Variants in SPIRE1 observed in about 807,000 individuals in gnomAD.
SPIRE1 encodes spire type actin nucleation factor 1.
In SPIRE1, 40 loss-of-function variants were observed where a neutral mutation model predicts 94.1. That is an observed-to-expected ratio of 0.43 (90% confidence interval 0.33 to 0.55). The LOEUF (loss-of-function observed/expected upper bound fraction) is 0.55. SPIRE1 is among the 20% of genes least tolerant of loss of function. The pLI is 0.06. For synonymous variants in SPIRE1, 376 were observed against 371.7 expected, an observed-to-expected ratio of 1.01 and a Z score of -0.13; for missense variants, 838 against 975.2, an observed-to-expected ratio of 0.86 and a Z score of 1.87.
intron 2 of SPIRE1, among the ~76,000 whole-genome samples, chr18:12,575,856 G>A (rs1051050590): frequency 6.6e-5 from 10 of 152,124 alleles, no homozygotes; most frequent in African/African-American, 1.4e-4. Flanking sequence ...TAAAGTCAAC[G>A]CAATCTTAAA....
At chr18:12,556,444 T>C (rs1425650039) in intron 2 of SPIRE1, among the ~76,000 whole-genome samples, 1 of 152,160 alleles carries the variant, frequency 6.6e-6, no homozygotes, top group African/African-American at 2.4e-5. Flanking sequence ...CCGGAATTGG[T>C]GGGTTCTTGG....
intron 1 of SPIRE1, among the ~76,000 whole-genome samples, chr18:12,643,314 G>A (rs1156767129): frequency 2.6e-5 from 4 of 152,120 alleles, no homozygotes; most frequent in South Asian, 2.1e-4. Flanking sequence ...AAAATACATA[G>A]ACATATCACT....
At chr18:12,629,917 C>T (rs1386877248) in intron 2 of SPIRE1, among the ~76,000 whole-genome samples, 4 of 152,060 alleles carry the variant, frequency 2.6e-5, no homozygotes, top group Admixed American at 2.0e-4. Context: ...TATATTAAAA[C>T]ATTTTCCAAA....
chr18:12,454,911 T>C lies in SPIRE1; in HGVS notation c.1639-428A>G, dbSNP rs949719078. 5.3e-5 allele frequency among the ~76,000 whole-genome samples: 8 copies of C among 151,890 alleles called. 1 individual carries two copies. The South Asian group carries it at 1.7e-3, about 32-fold the overall frequency. On this transcript the variant is annotated intron_variant, in intron 12 of 16. Transcript: ENST00000409402. ...TGTTGTGTTGTACATTATATACCAATAGATAAAAAGCAAATCTACAGTGGT... is the reference window on the plus strand; with the variant it reads ...TGTTGTGTTGTACATTATATACCAACAGATAAAAAGCAAATCTACAGTGGT...
intron 2 of SPIRE1, among the ~76,000 whole-genome samples, chr18:12,574,458 AG>A (rs1444942120): frequency 2.0e-5 from 3 of 152,190 alleles, no homozygotes; most frequent in Non-Finnish European, 2.9e-5. Flanking sequence ...AAATGTAGGG[AG>A]AAAAAAAATG....
At chr18:12,450,099 G>A (rs1233477998) in intron 16 of SPIRE1, among the ~76,000 whole-genome samples, 2 of 152,046 alleles carry the variant, frequency 1.3e-5, no homozygotes, top group East Asian at 3.8e-4. Context: ...AGGAGGCCTA[G>A]TGCGGTGGCT....
At chr18:12,476,214 G>T (rs915074973) in intron 10 of SPIRE1, among the ~76,000 whole-genome samples, 1 of 152,090 alleles carries the variant, frequency 6.6e-6, no homozygotes, top group African/African-American at 2.4e-5. Flanking sequence ...TGGTTTATCT[G>T]TGTTTTCTAA....
Position 12,460,953 on chromosome 18 carries a change from T to G in SPIRE1, c.1638+2398A>C, listed in dbSNP as rs535890651. Among the ~76,000 whole-genome samples the G allele has an allele frequency of 3.3e-5, 5 of 152,302 alleles. No homozygotes were observed. The South Asian group carries it at 1.0e-3, about 32-fold the overall frequency. On this transcript the variant is annotated intron_variant, in intron 12 of 16. Transcript: ENST00000409402. ...CTCTGCTGGTGCTTGGAGGCCTGCG[T>G]GGACTCTGCTCCCTGCCCTCAATCT...
chr18:12,454,481 C>T lies in SPIRE1; in HGVS notation c.1641G>A (p.Glu547=). The T allele has an allele frequency of 6.2e-7, 1 of 1,613,786 alleles. No individual in the cohort carries two copies. The change falls in exon 13 of 17, where the codon GAG becomes GAA. Residue 547 remains glutamate, a splice_region_variant and synonymous_variant. Coordinates refer to ENST00000409402, the MANE Select transcript of SPIRE1 (RefSeq NM_001128626.2). Reference sequence around the variant, plus strand: ...GGCATTCCACTGGGTAGCAGAATTCCTCCTGAAATTCAAAATGTCACGTGA... The same window carrying T: ...GGCATTCCACTGGGTAGCAGAATTCTTCCTGAAATTCAAAATGTCACGTGA... ...PPSRQSSRSL[E]EFCYPVECLA...
intron 2 of SPIRE1, among the ~76,000 whole-genome samples, chr18:12,612,628 A>T (rs2037174190): frequency 6.6e-6 from 1 of 152,218 alleles, no homozygotes; most frequent in South Asian, 2.1e-4. Context: ...AAATTTAACA[A>T]GATCTCTAGG....
At chr18:12,593,866 C>T (rs1463609176) in intron 2 of SPIRE1, among the ~76,000 whole-genome samples, 1 of 151,968 alleles carries the variant, frequency 6.6e-6, no homozygotes, top group South Asian at 2.1e-4. Flanking sequence ...GCAGGAGAAT[C>T]GCTTGAACCC....
Position 12,476,541 on chromosome 18 carries a change from C to CAAAAA in SPIRE1, c.1404+3153_1404+3157dup, listed in dbSNP as rs558968043. On this transcript the variant is annotated intron_variant, in intron 10 of 16. Transcript: ENST00000409402. Reference sequence around the variant, plus strand: ...GGCTGGCAGAGCGAGACTCTGTCTCCAAAAAAAAAAAAAAAAAAAAAAAAT... The same window carrying CAAAAA: ...GGCTGGCAGAGCGAGACTCTGTCTCCAAAAAAAAAAAAAAAAAAAAAAAAAAAAAT... Among the ~76,000 whole-genome samples, 8 of 46,774 alleles carry CAAAAA rather than the reference C, an allele frequency of 1.7e-4. 1 individual carries two copies. The highest frequency in any genetic ancestry group is 1.9e-4 in the African/African-American group (4 of 21,446). 30.7% of individuals were successfully genotyped at this position (46,774 alleles called of 152,430 possible).
At chr18:12,593,997 G>C (rs2036605042) in intron 2 of SPIRE1, among the ~76,000 whole-genome samples, 2 of 151,742 alleles carry the variant, frequency 1.3e-5, no homozygotes, top group African/African-American at 4.8e-5. Context: ...TTAAAATAAA[G>C]CAGACTGAGT....
At chr18:12,481,561 G>C (rs939357323) in intron 9 of SPIRE1, among the ~76,000 whole-genome samples, 3 of 151,982 alleles carry the variant, frequency 2.0e-5, no homozygotes, top group Non-Finnish European at 2.9e-5. Flanking sequence ...GGAAAGAGAA[G>C]GGAGGAAGAA....
chr18:12,607,881 G>A (rs937878832), intron 2 of SPIRE1, among the ~76,000 whole-genome samples: 13 of 152,082 alleles, frequency 8.5e-5, no homozygotes, highest in Admixed American at 7.9e-4. Context: ...CTACGGCCGG[G>A]CGTGGTGGCT....
chr18:12,534,080 C>T (rs536478758), intron 4 of SPIRE1, among the ~76,000 whole-genome samples: 3 of 152,140 alleles, frequency 2.0e-5, no homozygotes, highest in East Asian at 3.9e-4. Context: ...CTTTTCATTG[C>T]CCTATCATAA....
chr18:12,556,076 T>C (rs1395602203), intron 2 of SPIRE1, among the ~76,000 whole-genome samples: 2 of 150,108 alleles, frequency 1.3e-5, no homozygotes, highest in Non-Finnish European at 3.0e-5. Context: ...TTACAATAGC[T>C]ACAAAAAAAA....
rs77160591 is a variant in SPIRE1, at chr18:12,630,739, T to C, written c.372+4323A>G. 9.4e-3 allele frequency among the ~76,000 whole-genome samples: 1,436 copies of C among 152,236 alleles called. 30 individuals carry two copies. Among genetic ancestry groups the C allele is most frequent in the African/African-American group, 0.033 (1,388 of 41,546 alleles). ...AAGCGAGAAGGAAAGGGAGGCCCCA[T>C]GAGCTGAGCCTGGGCACAAGGGCCA... On this transcript the variant is annotated intron_variant, in intron 2 of 16. Coordinates refer to ENST00000409402, the MANE Select transcript of SPIRE1 (RefSeq NM_001128626.2).
intron 2 of SPIRE1, among the ~76,000 whole-genome samples, chr18:12,575,157 T>C (rs1178049499): frequency 6.6e-6 from 1 of 151,748 alleles, no homozygotes; most frequent in East Asian, 1.9e-4. Context: ...GAAAAGAAAG[T>C]AGAGAGGAAA....
Sources: allele counts gnomAD v4.1 joint callset (sites outside exome capture counted in the v4.1 genomes callset), GRCh38; gene constraint gnomAD v4.1.1; transcripts MANE v1.5; gene names NCBI Gene and HGNC (gene_info 2026-07-23, HGNC 2026-07-21).